TAF1B: variants seen among roughly 807,000 people sequenced by gnomAD.
TAF1B encodes TATA box-binding protein-associated factor RNA polymerase I subunit B.
A neutral mutation model predicts 83.9 loss-of-function variants in TAF1B; 61 were observed. The observed-to-expected ratio is 0.73, with a 90% CI of 0.59 to 0.90. The LOEUF (loss-of-function observed/expected upper bound fraction) is 0.90, where lower values mean the gene tolerates loss of function less well. Among genes scored for constraint, TAF1B ranks in the 40% least tolerant of loss-of-function variants. TAF1B has a pLI of 0.00. For missense variants in TAF1B, 625 were observed against 677.0 expected (o/e 0.92, Z 0.85); for synonymous variants, 221 against 224.6 (o/e 0.98, Z 0.14).
At chr2:9,870,371 C>G (rs970601152) in intron 6 of TAF1B, among the ~76,000 whole-genome samples, 58 of 152,070 alleles carry the variant, frequency 3.8e-4, no homozygotes, top group African/African-American at 1.3e-3. Flanking sequence ...GCCTACAGTC[C>G]CAGCTACTCA....
At chr2:9,857,887 C>T (rs1663615544) in intron 5 of TAF1B, among the ~76,000 whole-genome samples, 1 of 152,304 alleles carries the variant, frequency 6.6e-6, no homozygotes, top group Non-Finnish European at 1.5e-5. Context: ...CCTCTCGCAA[C>T]ATGTGGGGAT....
intron 12 of TAF1B, among the ~76,000 whole-genome samples, chr2:9,913,960 C>T (rs1376664767): frequency 2.6e-5 from 4 of 152,124 alleles, no homozygotes; most frequent in Non-Finnish European, 2.9e-5. Flanking sequence ...AATACTAATT[C>T]GACTCAGTAA....
rs535915638 is a variant in TAF1B, at chr2:9,925,767, G to A, written c.1565+5947G>A. 2.0e-5 allele frequency among the ~76,000 whole-genome samples: 3 copies of A among 152,096 alleles called. No individual in the cohort carries two copies. In the East Asian group the frequency reaches 5.8e-4, roughly 30 times the overall value. On this transcript the variant is annotated intron_variant, in intron 14 of 14. Coordinates refer to ENST00000263663, the MANE Select transcript of TAF1B (RefSeq NM_005680.3). ...AATTTTTGTATTTTTAGTAGAGACG[G>A]GGTTTCATCATGTTAGTCAGGCTGG... is the stretch of plus-strand genomic sequence containing the variant.
intron 12 of TAF1B, among the ~76,000 whole-genome samples, chr2:9,918,289 C>T (rs564482387): frequency 2.0e-5 from 3 of 152,298 alleles, no homozygotes; most frequent in Non-Finnish European, 2.9e-5. Flanking sequence ...AGAGCAGCAG[C>T]GTCTGCTTGG....
At chr2:9,921,468 G>A (rs935132469) in intron 14 of TAF1B, among the ~76,000 whole-genome samples, 4 of 152,034 alleles carry the variant, frequency 2.6e-5, no homozygotes, top group South Asian at 2.1e-4. Context: ...GAGCACATTC[G>A]TTTTTCTTTA....
At chr2:9,893,314 C>G (rs1278800922) in intron 8 of TAF1B, among the ~76,000 whole-genome samples, 1 of 151,964 alleles carries the variant, frequency 6.6e-6, no homozygotes, top group Non-Finnish European at 1.5e-5. Context: ...CCATCCTGAC[C>G]CATTACTCCT....
At chr2:9,850,023 ATATATG>A (rs1473082314) in intron 3 of TAF1B, among the ~76,000 whole-genome samples, 2 of 87,172 alleles carry the variant, frequency 2.3e-5, no homozygotes, top group African/African-American at 3.7e-5. Flanking sequence ...AAATATATAT[ATATATG>A]TGTGTGTGTG....
At chr2:9,893,941 ATATAG>A (rs1664944301) in intron 8 of TAF1B, among the ~76,000 whole-genome samples, 1 of 152,162 alleles carries the variant, frequency 6.6e-6, no homozygotes, top group South Asian at 2.1e-4. Flanking sequence ...TAGCTTACAG[ATATAG>A]TATATGTATT....
chr2:9,861,118 C>T (rs918139621), intron 5 of TAF1B, among the ~76,000 whole-genome samples: 2 of 152,240 alleles, frequency 1.3e-5, no homozygotes, highest in Non-Finnish European at 2.9e-5. Context: ...GCGGGTGCAG[C>T]ACACCGTGCA....
chr2:9,879,656 T>A (rs2125153062), intron 7 of TAF1B, among the ~76,000 whole-genome samples: 2 of 152,140 alleles, frequency 1.3e-5, no homozygotes, highest in Middle Eastern at 3.4e-3. Context: ...AGAGGAGAGT[T>A]CGTGTGACTG....
chr2:9,880,953 A>G (rs1383678733), intron 7 of TAF1B, among the ~76,000 whole-genome samples: 1 of 152,202 alleles, frequency 6.6e-6, no homozygotes, highest in Non-Finnish European at 1.5e-5. Context: ...ACTAATAAAA[A>G]CTTAGCTGGG....
intron 14 of TAF1B, among the ~76,000 whole-genome samples, chr2:9,922,890 C>T (rs1286474303): frequency 6.6e-6 from 1 of 152,148 alleles, no homozygotes; most frequent in Non-Finnish European, 1.5e-5. Flanking sequence ...ATAGTAAGTA[C>T]TCAATCAAAC....
chr2:9,905,725 G>A (rs141455540), intron 9 of TAF1B, among the ~76,000 whole-genome samples: 7 of 152,220 alleles, frequency 4.6e-5, no homozygotes, highest in South Asian at 2.1e-4. Flanking sequence ...AAATGTGATT[G>A]AATGTATTGT....
At chr2:9,853,082 C>T (rs1663450356) in intron 4 of TAF1B, among the ~76,000 whole-genome samples, 2 of 152,194 alleles carry the variant, frequency 1.3e-5, no homozygotes, top group South Asian at 4.1e-4. Flanking sequence ...TTTCTGCTTA[C>T]ATAGTCATTT....
intron 8 of TAF1B, among the ~76,000 whole-genome samples, chr2:9,903,434 C>T (rs1266942920): frequency 2.0e-5 from 3 of 152,116 alleles, no homozygotes; most frequent in Non-Finnish European, 4.4e-5. Context: ...TGAAAAACTA[C>T]ATGCAGTATT....
intron 14 of TAF1B, among the ~76,000 whole-genome samples, chr2:9,924,263 C>CT (rs1665971221): frequency 6.6e-6 from 1 of 152,082 alleles, no homozygotes; most frequent in Non-Finnish European, 1.5e-5. Flanking sequence ...AAAACTCAGC[C>CT]TTTTTTCTCA....
intron 14 of TAF1B, among the ~76,000 whole-genome samples, chr2:9,925,201 G>A (rs1331803575): frequency 6.6e-6 from 1 of 152,128 alleles, no homozygotes; most frequent in East Asian, 1.9e-4. Context: ...CAGCACTTTG[G>A]GAGGCCGAGG....
intron 8 of TAF1B, among the ~76,000 whole-genome samples, chr2:9,894,071 C>T (rs939447156): frequency 6.8e-6 from 1 of 148,146 alleles, no homozygotes. Flanking sequence ...ATATGTCTTA[C>T]ATCCTTAACT....
intron 8 of TAF1B, among the ~76,000 whole-genome samples, chr2:9,902,732 A>G (rs891285478): frequency 9.8e-5 from 15 of 152,344 alleles, no homozygotes; most frequent in South Asian, 4.1e-4. Context: ...ATGGGCATGC[A>G]TACGCATTTC....
Sources: allele counts gnomAD v4.1 joint callset (sites outside exome capture counted in the v4.1 genomes callset), GRCh38; gene constraint gnomAD v4.1.1; transcripts MANE v1.5; gene names NCBI Gene and HGNC (gene_info 2026-07-23, HGNC 2026-07-21).